Variants in ZNF229 observed in about 807,000 individuals in gnomAD.
The protein encoded by ZNF229 is zinc finger protein 229.
ZNF229 carries 10 observed loss-of-function variants against 11.8 expected under a neutral mutation model. That is an observed-to-expected ratio of 0.85 (90% confidence interval 0.52 to 1.44). The LOEUF is 1.44. ZNF229 is among the 40% of genes most tolerant of loss of function. The probability of loss-of-function intolerance (pLI) is 0.00; values close to 1 mark genes in which losing one functional copy is unlikely to be tolerated. For missense variants in ZNF229, 1,045 were observed against 1,015.1 expected (o/e 1.03, Z -0.40); for synonymous variants, 368 against 374.8 (o/e 0.98, Z 0.21).
In ZNF229 at chr19:44,442,345, GACCT is replaced by G. The variant is rs917490416; in HGVS notation, c.93+214_93+217del. On this transcript the variant is annotated intron_variant, in intron 4 of 5. Coordinates refer to ENST00000614049, the MANE Select transcript of ZNF229 (RefSeq NM_014518.4). ...GAAAGGTAGATTATCGAATCCAATTGACCTACCTGAGTTCAAATCCTGGATCCCC... is the reference window on the plus strand; with the variant it reads ...GAAAGGTAGATTATCGAATCCAATTGACCTGAGTTCAAATCCTGGATCCCC... Among the ~76,000 whole-genome samples the G allele has an allele frequency of 1.1e-4, 17 of 152,116 alleles. 1 individual carries two copies. The highest frequency in any genetic ancestry group is 4.8e-5 in the African/African-American group (2 of 41,422).
chr19:44,432,591 A>T (rs1052297795), intron 4 of ZNF229, among the ~76,000 whole-genome samples: 1 of 152,014 alleles, frequency 6.6e-6, no homozygotes, highest in Non-Finnish European at 1.5e-5. Context: ...TCGCAAGGAC[A>T]AAAAAACCAA....
Position 44,448,452 on chromosome 19 carries a change from T to G in ZNF229, c.-409A>C, listed in dbSNP as rs550545955. The G allele has an allele frequency of 6.6e-6, 1 of 152,330 alleles. No individual in the cohort carries two copies. Among genetic ancestry groups the G allele is most frequent in the East Asian group, 1.9e-4 (1 of 5,186 alleles). The allele number at this position is 152,330 out of a possible 1,614,324, so 9.4% of individuals were successfully genotyped here. On this transcript the variant is annotated 5_prime_UTR_variant, in exon 1 of 6. Coordinates refer to ENST00000614049, the MANE Select transcript of ZNF229 (RefSeq NM_014518.4). ...GCACGTCTCTAAGACGCCTCACCAC[T>G]GCCTAAGAAGCAATCAAGGTGACGC...
At chr19:44,442,782 T>TGCCC in intron 3 of ZNF229, 32 bp downstream of exon 3, 19 of 1,545,136 alleles carry the variant, frequency 1.2e-5, no homozygotes, top group African/African-American at 2.7e-5. Context: ...GTTTGGATTC[T>TGCCC]CCCCCCACCC....
chr19:44,437,348 T>C (rs971777423), intron 4 of ZNF229, among the ~76,000 whole-genome samples: 1 of 152,104 alleles, frequency 6.6e-6, no homozygotes, highest in African/African-American at 2.4e-5. Context: ...TAAGAAGACA[T>C]ACATGCAGCC....
In ZNF229 at chr19:44,442,951, C is replaced by T; in HGVS notation, c.-104G>A. On this transcript the variant is annotated 5_prime_UTR_variant, in exon 3 of 6. Transcript: ENST00000614049. ...ATCCAGGCCTTTTTCATTCCGGAAACTCTCCAAGCTCTGACAAGTTCCTGT... is the reference window on the plus strand; with the variant it reads ...ATCCAGGCCTTTTTCATTCCGGAAATTCTCCAAGCTCTGACAAGTTCCTGT... The T allele has an allele frequency of 1.5e-6, 2 of 1,351,248 alleles. No individual in the cohort carries two copies. Among genetic ancestry groups the T allele is most frequent in the South Asian group, 1.2e-5 (1 of 84,608 alleles). 83.7% of individuals were successfully genotyped at this position (1,351,248 alleles called of 1,614,324 possible). A position where few individuals can be genotyped will look rare whatever the true frequency, so the allele number is the denominator to read the frequency against.
At position 44,433,198 on chromosome 19, in the gene ZNF229, C is replaced by T. The variant is rs552890982; in HGVS notation, c.94-832G>A. 5.3e-5 allele frequency among the ~76,000 whole-genome samples: 8 copies of T among 152,238 alleles called. 1 individual carries two copies. The South Asian group carries it at 1.7e-3, about 32-fold the overall frequency. On this transcript the variant is annotated intron_variant, in intron 4 of 5. Transcript: ENST00000614049. ...TCAACCTCCCAAGTAGCTAGGACTA[C>T]AGGCACGCACCACCACATCCAGCTA...
chr19:44,442,966 C>G lies in ZNF229; in HGVS notation c.-119G>C. On this transcript the variant is annotated 5_prime_UTR_variant, in exon 3 of 6. Transcript: ENST00000614049. The stretch of plus-strand genomic sequence containing the variant: ...ATTCCGGAAACTCTCCAAGCTCTGA[C>G]AAGTTCCTGTCTCCACCTTTACTGT... 5.7e-6 allele frequency: 7 copies of G among 1,225,818 alleles called. No individual in the cohort carries two copies. Among genetic ancestry groups the G allele is most frequent in the Non-Finnish European group, 7.1e-6 (6 of 841,280 alleles). 75.9% of individuals were successfully genotyped at this position (1,225,818 alleles called of 1,614,324 possible).
chr19:44,444,252 A>G (rs552864684), intron 2 of ZNF229, among the ~76,000 whole-genome samples: 1 of 152,172 alleles, frequency 6.6e-6, no homozygotes, highest in South Asian at 2.1e-4. Flanking sequence ...TTTCCTCTTG[A>G]AATTCAAGTC....
Position 44,431,377 on chromosome 19 carries a change from C to T in ZNF229, c.239-835G>A, listed in dbSNP as rs954527331. 1.6e-4 allele frequency among the ~76,000 whole-genome samples: 25 copies of T among 152,060 alleles called. 1 individual carries two copies. Among genetic ancestry groups the T allele is most frequent in the Non-Finnish European group, 1.5e-5 (1 of 68,022 alleles). ...TTCTTTATTGCCTATTTTTATCTTT[C>T]AGGGCTTGGGTAACAAGAACCTGTT... On this transcript the variant is annotated intron_variant, in intron 5 of 5. Coordinates refer to ENST00000614049, the MANE Select transcript of ZNF229 (RefSeq NM_014518.4).
At chr19:44,439,845 T>C (rs930891192) in intron 4 of ZNF229, among the ~76,000 whole-genome samples, 2 of 152,346 alleles carry the variant, frequency 1.3e-5, no homozygotes, top group South Asian at 2.1e-4. Context: ...GCGAGGACAG[T>C]TGGGGGAACC....
chr19:44,443,279 G>C (rs1368732737), intron 2 of ZNF229, among the ~76,000 whole-genome samples: 1 of 152,184 alleles, frequency 6.6e-6, no homozygotes, highest in Non-Finnish European at 1.5e-5. Context: ...CCCCTCAGAA[G>C]GGCAGAGAGA....
chr19:44,442,512 T>C (rs745931203), intron 4 of ZNF229, 51 bp downstream of exon 4: 2 of 1,593,418 alleles, frequency 1.3e-6, no homozygotes, highest in South Asian at 1.1e-5. Context: ...ACGTATGTTT[T>C]CTCTCTGATG....
chr19:44,431,687 G>C (rs1971725174), intron 5 of ZNF229: 5 of 901,018 alleles, frequency 5.5e-6, no homozygotes, highest in Non-Finnish European at 6.6e-6. Context: ...GTGAGGAATG[G>C]GACCTCCTGT....
chr19:44,431,824 A>G (rs1263843539), intron 5 of ZNF229: 5 of 988,680 alleles, frequency 5.1e-6, no homozygotes, highest in African/African-American at 1.7e-5. Flanking sequence ...AAAAATTCCT[A>G]TGTTGAAATC....
Position 44,430,310 on chromosome 19 carries a change from C to T in ZNF229, c.471G>A (p.Leu157=), listed in dbSNP as rs368966662. The change falls in exon 6 of 6, where the codon CTG becomes CTA. Residue 157 remains leucine, a synonymous_variant. Coordinates refer to ENST00000614049, the MANE Select transcript of ZNF229 (RefSeq NM_014518.4). ...STPCFPIENF[L]DSLQGDGLIG... ...TAAGCCCATCCCCTTGTAGACTGTCCAGGAAATTCTCAATTGGAAAACACG... is the reference window on the plus strand; with the variant it reads ...TAAGCCCATCCCCTTGTAGACTGTCTAGGAAATTCTCAATTGGAAAACACG... 1 of 1,613,946 alleles carries T rather than the reference C, an allele frequency of 6.2e-7. No individual in the cohort carries two copies. The highest frequency in any genetic ancestry group is 1.3e-5 in the African/African-American group (1 of 74,838).
rs559217015 is a variant in ZNF229, at chr19:44,429,036, C to T, written c.1745G>A (p.Arg582Gln). The change falls in exon 6 of 6, where the codon CGG (arginine) becomes CAG (glutamine). Residue 582 changes from arginine to glutamine, a missense_variant. Transcript: ENST00000614049. ...GTGGCTGTGAAGGTCTGAATTCCGC[C>T]GGAAGCCCTTCCCACACTCACTGCA... ...YKCSECGKGF[R>Q]RNSDLHSHQR... 48 of 1,613,790 alleles carry T rather than the reference C, an allele frequency of 3.0e-5. No individual in the cohort carries two copies. Among genetic ancestry groups the T allele is most frequent in the South Asian group, 1.2e-4 (11 of 91,064 alleles).
Position 44,426,536 on chromosome 19 carries a change from G to A in ZNF229, c.*1767C>T, listed in dbSNP as rs1050427877. ...TAATTGTTGTTCTAAAACTCTCCTGGTTCACTAAATACTTCATGAGCAACC... is the reference window on the plus strand; with the variant it reads ...TAATTGTTGTTCTAAAACTCTCCTGATTCACTAAATACTTCATGAGCAACC... On this transcript the variant is annotated 3_prime_UTR_variant, in exon 6 of 6. Transcript: ENST00000614049. 6.6e-6 allele frequency: 1 copy of A among 152,020 alleles called. No individual in the cohort carries two copies. The highest frequency in any genetic ancestry group is 2.4e-5 in the African/African-American group (1 of 41,326). The allele number at this position is 152,020 out of a possible 1,614,324, so 9.4% of individuals were successfully genotyped here.
At chr19:44,446,013 T>C (rs949364918) in intron 2 of ZNF229, among the ~76,000 whole-genome samples, 1 of 152,182 alleles carries the variant, frequency 6.6e-6, no homozygotes, top group South Asian at 2.1e-4. Context: ...GCTGCTAACA[T>C]TCTAGGTGGA....
chr19:44,444,938 C>T (rs1971978420), intron 2 of ZNF229, among the ~76,000 whole-genome samples: 1 of 152,164 alleles, frequency 6.6e-6, no homozygotes, highest in South Asian at 2.1e-4. Context: ...CTTTCACTCC[C>T]TTGGTGAACA....
Sources: gnomAD v4.1 joint callset for allele counts (sites outside exome capture counted in the v4.1 genomes callset) on GRCh38, gnomAD v4.1.1 for gene constraint, MANE v1.5 for transcripts, NCBI Gene and HGNC (gene_info 2026-07-23, HGNC 2026-07-21) for gene names.